B3GALT1: variants seen among roughly 807,000 people sequenced by gnomAD.
B3GALT1 encodes beta-1,3-galactosyltransferase 1, also known as UDP-Gal:betaGlcNAc beta 1,3-galactosyltransferase, polypeptide 1.
Under a neutral mutation model 23.2 loss-of-function variants are expected in B3GALT1, and 10 were observed. The ratio of observed to expected loss-of-function variants is 0.43; its 90% CI spans 0.27 to 0.73. B3GALT1 has a LOEUF of 0.73. Among genes scored for constraint, B3GALT1 ranks in the 30% least tolerant of loss-of-function variants. The probability of loss-of-function intolerance (pLI) is 0.21; values close to 1 mark genes in which losing one functional copy is unlikely to be tolerated. For synonymous variants in B3GALT1, 156 were observed against 141.5 expected (o/e 1.10, Z -0.73); for missense variants, 299 against 405.4 (o/e 0.74, Z 2.25).
chr2:167,412,005 C>T (rs1698399092), intron 1 of B3GALT1, among the ~76,000 whole-genome samples: 2 of 151,848 alleles, frequency 1.3e-5, no homozygotes, highest in South Asian at 2.1e-4. Flanking sequence ...AAGTGTGGAG[C>T]TCATGAAGAC....
At chr2:167,751,411 A>G (rs1687736323) in intron 3 of B3GALT1, among the ~76,000 whole-genome samples, 1 of 152,226 alleles carries the variant, frequency 6.6e-6, no homozygotes, top group Non-Finnish European at 1.5e-5. Flanking sequence ...CTGCCCTGGC[A>G]TGTTTTCCCA....
At chr2:167,783,224 C>G (rs962503374) in intron 3 of B3GALT1, among the ~76,000 whole-genome samples, 34 of 151,888 alleles carry the variant, frequency 2.2e-4, no homozygotes, top group African/African-American at 8.0e-4. Flanking sequence ...ATGCCTCTTT[C>G]AATAAGGCTA....
intron 4 of B3GALT1, among the ~76,000 whole-genome samples, chr2:167,867,792 T>G (rs1399691165): frequency 6.6e-6 from 1 of 152,196 alleles, no homozygotes; most frequent in Non-Finnish European, 1.5e-5. Flanking sequence ...TTTACATGAA[T>G]GGACTTCATA....
rs1697305297 is a variant in B3GALT1, at chr2:167,351,319, A to G, written c.-511+57985A>G. 2.0e-5 allele frequency among the ~76,000 whole-genome samples: 3 copies of G among 152,046 alleles called. No homozygotes were observed. In the South Asian group the frequency reaches 6.2e-4, roughly 32 times the overall value. On this transcript the variant is annotated intron_variant, in intron 1 of 4. Coordinates refer to ENST00000392690, the MANE Select transcript of B3GALT1 (RefSeq NM_020981.4). ...AAAAACCACACACAAAAACAAAAAA[A>G]TGTCATTTTAAGTTTTGTCCTACTG...
chr2:167,297,090 G>A (rs1049204337), intron 1 of B3GALT1, among the ~76,000 whole-genome samples: 1 of 152,078 alleles, frequency 6.6e-6, no homozygotes, highest in African/African-American at 2.4e-5. Flanking sequence ...GAGATCTAAA[G>A]ATGATTATTC....
chr2:167,513,541 T>C (rs955702848), intron 2 of B3GALT1, among the ~76,000 whole-genome samples: 2 of 152,192 alleles, frequency 1.3e-5, no homozygotes, highest in Non-Finnish European at 2.9e-5. Context: ...TTAAAGATTC[T>C]ATAGTTTAAA....
chr2:167,484,712 CAAA>C, intron 1 of B3GALT1, among the ~76,000 whole-genome samples: 1 of 152,226 alleles, frequency 6.6e-6, no homozygotes, highest in East Asian at 1.9e-4. Context: ...CAATAGGTGG[CAAA>C]TGTTTCCTAT....
At chr2:167,620,070 TATG>T (rs1685229166) in intron 2 of B3GALT1, among the ~76,000 whole-genome samples, 1 of 151,908 alleles carries the variant, frequency 6.6e-6, no homozygotes, top group African/African-American at 2.4e-5. Flanking sequence ...CTGCAAAGAG[TATG>T]ATAAGTTCGC....
intron 4 of B3GALT1, among the ~76,000 whole-genome samples, chr2:167,838,980 C>G (rs1358780331): frequency 6.6e-6 from 1 of 152,226 alleles, no homozygotes; most frequent in African/African-American, 2.4e-5. Context: ...TTCAACAACC[C>G]TTCATGCTAA....
At chr2:167,322,959 G>A (rs1461383724) in intron 1 of B3GALT1, among the ~76,000 whole-genome samples, 1 of 152,056 alleles carries the variant, frequency 6.6e-6, no homozygotes, top group African/African-American at 2.4e-5. Flanking sequence ...AACAGAGCCA[G>A]TCAGCTTAGA....
At chr2:167,560,588 T>A (rs1293228926) in intron 2 of B3GALT1, among the ~76,000 whole-genome samples, 1 of 151,434 alleles carries the variant, frequency 6.6e-6, no homozygotes, top group Non-Finnish European at 1.5e-5. Context: ...ACACATAGGC[T>A]CAAAATAAAA....
intron 1 of B3GALT1, among the ~76,000 whole-genome samples, chr2:167,387,016 A>G (rs1697939407): frequency 6.6e-6 from 1 of 151,762 alleles, no homozygotes; most frequent in African/African-American, 2.4e-5. Flanking sequence ...TAGTCTCATC[A>G]TATCATATCA....
At chr2:167,737,687 C>A (rs1266456090) in intron 3 of B3GALT1, among the ~76,000 whole-genome samples, 1 of 152,220 alleles carries the variant, frequency 6.6e-6, no homozygotes, top group South Asian at 2.1e-4. Flanking sequence ...ATGGAGGGAA[C>A]TGTAAGAGAC....
intron 3 of B3GALT1, among the ~76,000 whole-genome samples, chr2:167,792,217 C>T (rs1456389925): frequency 6.6e-6 from 1 of 152,182 alleles, no homozygotes; most frequent in Non-Finnish European, 1.5e-5. Flanking sequence ...CTTAAGCCCT[C>T]TTGAGCTAAA....
chr2:167,570,752 A>G (rs1329119872), intron 2 of B3GALT1, among the ~76,000 whole-genome samples: 1 of 151,814 alleles, frequency 6.6e-6, no homozygotes, highest in Admixed American at 6.6e-5. Flanking sequence ...CTATTGTTTT[A>G]CCACCCCCCA....
intron 3 of B3GALT1, among the ~76,000 whole-genome samples, chr2:167,779,049 G>C (rs1688206751): frequency 6.6e-6 from 1 of 152,164 alleles, no homozygotes; most frequent in Non-Finnish European, 1.5e-5. Context: ...AGAATTGGAA[G>C]GAGGCTAGAT....
At chr2:167,514,695 T>A (rs1356690236) in intron 2 of B3GALT1, among the ~76,000 whole-genome samples, 2 of 152,204 alleles carry the variant, frequency 1.3e-5, no homozygotes, top group Admixed American at 1.3e-4. Context: ...AGAATAATGA[T>A]TAATAATGTA....
intron 2 of B3GALT1, among the ~76,000 whole-genome samples, chr2:167,493,385 A>G (rs1275907884): frequency 6.6e-6 from 1 of 152,210 alleles, no homozygotes; most frequent in East Asian, 1.9e-4. Flanking sequence ...GTGAATATAT[A>G]CAAAGCCCTA....
At chr2:167,428,467 G>T (rs1698656054) in intron 1 of B3GALT1, among the ~76,000 whole-genome samples, 2 of 152,168 alleles carry the variant, frequency 1.3e-5, no homozygotes, top group Admixed American at 1.3e-4. Flanking sequence ...TTGAGGTCAA[G>T]AGTTTGAGAT....
Sources: gnomAD v4.1 joint callset for allele counts (sites outside exome capture counted in the v4.1 genomes callset) on GRCh38, gnomAD v4.1.1 for gene constraint, MANE v1.5 for transcripts, NCBI Gene and HGNC (gene_info 2026-07-23, HGNC 2026-07-21) for gene names.